Variants in ZBTB20 observed in about 807,000 individuals in gnomAD.
ZBTB20 encodes zinc finger and BTB domain-containing protein 20.
ZBTB20 carries 9 observed loss-of-function variants against 56.9 expected under a neutral mutation model. That is an observed-to-expected ratio of 0.16 (90% CI 0.10 to 0.28). The LOEUF (loss-of-function observed/expected upper bound fraction) is 0.28. Among genes scored for constraint, ZBTB20 ranks in the 10% least tolerant of loss-of-function variants. ZBTB20 has a pLI of 1.00. For missense variants in ZBTB20, 655 were observed against 1,003.0 expected, an observed-to-expected ratio of 0.65 and a Z score of 4.69; for synonymous variants, 417 against 420.7, an observed-to-expected ratio of 0.99 and a Z score of 0.11.
chr3:114,716,540 T>C (rs1393354478), intron 5 of ZBTB20, among the ~76,000 whole-genome samples: 1 of 152,186 alleles, frequency 6.6e-6, no homozygotes, highest in Non-Finnish European at 1.5e-5. Flanking sequence ...GTACCCCTCC[T>C]GTGCCATCTC....
intron 6 of ZBTB20, among the ~76,000 whole-genome samples, chr3:114,619,856 T>C (rs188064899): frequency 9.2e-5 from 14 of 152,334 alleles, no homozygotes; most frequent in African/African-American, 3.4e-4. Flanking sequence ...TATTGTGCTG[T>C]ATGTCTGCCC....
rs1203395239 is a variant in ZBTB20, at chr3:114,339,056, G to A, written c.2175C>T (p.Asp725=). The change falls in exon 12 of 12, where the codon GAC becomes GAT. Residue 725 remains aspartate (D), a synonymous_variant. Coordinates refer to ENST00000675478, the MANE Select transcript of ZBTB20 (RefSeq NM_001348800.3). The surrounding 1 kb of genome is among the most constrained non-coding windows in gnomAD (Gnocchi z 4.2). ...TGTGGTCGTTGAACTGCTCGATTTG[G>A]TCAAACTTTGCTGGGCAGACGGAGC... ...YVCSVCPAKF[D]QIEQFNDHMR... 2 of 1,547,700 alleles carry A rather than the reference G, an allele frequency of 1.3e-6. No homozygotes were observed.
intron 2 of ZBTB20, among the ~76,000 whole-genome samples, chr3:114,997,228 A>G (rs187462464): frequency 6.6e-6 from 1 of 151,836 alleles, no homozygotes; most frequent in Non-Finnish European, 1.5e-5. Context: ...AGGTAGTTAC[A>G]AATCACTGGA....
intron 1 of ZBTB20, among the ~76,000 whole-genome samples, chr3:115,112,427 C>T (rs2083905104): frequency 6.6e-6 from 1 of 151,968 alleles, no homozygotes; most frequent in Non-Finnish European, 1.5e-5. Context: ...GACGTTTGTA[C>T]CCATTAACCA....
chr3:114,923,866 CA>C lies in ZBTB20; in HGVS notation c.-455-23525del, dbSNP rs375914805. On this transcript the variant is annotated intron_variant, in intron 3 of 11. Coordinates refer to ENST00000675478, the MANE Select transcript of ZBTB20 (RefSeq NM_001348800.3). ...ATGTAGAACTCACACAACTCAATGG[CA>C]AAAAAAAATAATAACAATAACTCAA... 7.4e-5 allele frequency among the ~76,000 whole-genome samples: 11 copies of C among 147,756 alleles called. No individual in the cohort carries two copies. In the South Asian group the frequency reaches 8.5e-4, roughly 11 times the overall value.
At chr3:114,403,117 T>G (rs1408397010) in intron 7 of ZBTB20, among the ~76,000 whole-genome samples, 1 of 152,158 alleles carries the variant, frequency 6.6e-6, no homozygotes, top group Non-Finnish European at 1.5e-5. Flanking sequence ...CATCAGAAGC[T>G]TGTAGTTAAT....
At chr3:114,677,944 A>G (rs2061729189) in intron 6 of ZBTB20, among the ~76,000 whole-genome samples, 8 of 152,176 alleles carry the variant, frequency 5.3e-5, no homozygotes, top group Admixed American at 5.2e-4. Context: ...GTTATATGTT[A>G]AGGCAAGGAA....
intron 1 of ZBTB20, among the ~76,000 whole-genome samples, chr3:115,091,360 G>A (rs903041498): frequency 4.0e-5 from 6 of 151,838 alleles, no homozygotes; most frequent in African/African-American, 1.2e-4. Flanking sequence ...CAAAAATCCT[G>A]TCAAATCAAC....
chr3:114,632,757 T>C (rs1237789355), intron 6 of ZBTB20, among the ~76,000 whole-genome samples: 1 of 152,184 alleles, frequency 6.6e-6, no homozygotes, highest in East Asian at 1.9e-4. Context: ...GAATACAGAA[T>C]GGAAGGGAGG....
rs1408664162 is a variant in ZBTB20 at position 114,610,368 on chromosome 3, T to A, written c.-295+83160A>T. On this transcript the variant is annotated intron_variant, in intron 6 of 11. Coordinates refer to ENST00000675478, the MANE Select transcript of ZBTB20 (RefSeq NM_001348800.3). ...TCAATATGCAGGTCTTAACCCCAGT[T>A]TGTGGGCAGAAACCTGTCATTCCAT... 5.9e-5 allele frequency among the ~76,000 whole-genome samples: 9 copies of A among 152,178 alleles called. No individual in the cohort carries two copies. The East Asian group carries it at 1.7e-3, about 29-fold the overall frequency.
At chr3:114,924,980 CTTTTTTT>C (rs578028983) in intron 3 of ZBTB20, among the ~76,000 whole-genome samples, 130 of 99,906 alleles carry the variant, frequency 1.3e-3, no homozygotes, top group Non-Finnish European at 2.2e-3. Context: ...TTTGGTTCTT[CTTTTTTT>C]TTTTTTTTTT....
At chr3:114,618,526 G>T (rs1004937325) in intron 6 of ZBTB20, among the ~76,000 whole-genome samples, 2 of 152,022 alleles carry the variant, frequency 1.3e-5, no homozygotes, top group African/African-American at 4.8e-5. Context: ...TCAAACTGCT[G>T]GGATTATAGG....
chr3:114,727,220 T>G (rs1388666416), intron 5 of ZBTB20, among the ~76,000 whole-genome samples: 2 of 152,098 alleles, frequency 1.3e-5, no homozygotes, highest in Non-Finnish European at 2.9e-5. Flanking sequence ...CCTGGAAACT[T>G]GAAGACAACT....
chr3:114,395,832 T>C (rs1319757139), intron 7 of ZBTB20, among the ~76,000 whole-genome samples: 1 of 152,202 alleles, frequency 6.6e-6, no homozygotes, highest in Admixed American at 6.5e-5. Flanking sequence ...CCACTGTTTG[T>C]CACATTAAAT....
intron 5 of ZBTB20, among the ~76,000 whole-genome samples, chr3:114,772,927 T>C (rs2069323947): frequency 1.3e-5 from 2 of 152,158 alleles, no homozygotes; most frequent in Non-Finnish European, 2.9e-5. Flanking sequence ...AGTCTAATCA[T>C]CTTAAAAGCA....
chr3:114,605,978 G>T (rs1319136026), intron 6 of ZBTB20, among the ~76,000 whole-genome samples: 2 of 152,164 alleles, frequency 1.3e-5, no homozygotes, highest in Admixed American at 1.3e-4. Context: ...TTTAGATAAG[G>T]TGATAAGGGA....
At chr3:114,722,525 T>C (rs1184190509) in intron 5 of ZBTB20, among the ~76,000 whole-genome samples, 1 of 152,202 alleles carries the variant, frequency 6.6e-6, no homozygotes, top group Non-Finnish European at 1.5e-5. Flanking sequence ...AGATTTTAAT[T>C]GCAGGGAGAT....
At chr3:114,728,898 CT>C (rs2065507545) in intron 5 of ZBTB20, among the ~76,000 whole-genome samples, 1 of 152,044 alleles carries the variant, frequency 6.6e-6, no homozygotes, top group African/African-American at 2.4e-5. Flanking sequence ...TGAGAAGTGT[CT>C]TTTCATGTCC....
intron 1 of ZBTB20, among the ~76,000 whole-genome samples, chr3:115,078,302 T>C (rs1227779901): frequency 1.3e-5 from 2 of 152,150 alleles, no homozygotes; most frequent in African/African-American, 4.8e-5. Flanking sequence ...TATGAAGCTA[T>C]GGAGGAATAA....
Sources: allele counts gnomAD v4.1 joint callset (sites outside exome capture counted in the v4.1 genomes callset), GRCh38; gene constraint gnomAD v4.1.1; non-coding constraint Gnocchi (gnomAD v3.1); transcripts MANE v1.5; gene names NCBI Gene and HGNC (gene_info 2026-07-23, HGNC 2026-07-21).